The following CDKN2B-AS1 variants were observed in gnomAD, a reference collection of about 807,000 sequenced individuals.
CDKN2B-AS1 encodes the protein CDKN2B antisense RNA 1 (non-protein coding).
intron 4 of CDKN2B-AS1, among the ~76,000 whole-genome samples, chr9:22,097,559 A>G (rs921908412): frequency 2.6e-5 from 4 of 152,220 alleles, no homozygotes; most frequent in Non-Finnish European, 4.4e-5. Flanking sequence ...TCACCTCCTT[A>G]TACCACTAGC....
At chr9:22,012,671 G>A (rs1450162616) in intron 1 of CDKN2B-AS1, 3 of 349,766 alleles carry the variant, frequency 8.6e-6, no homozygotes, top group Non-Finnish European at 1.7e-5. Context: ...GAGAAACAGC[G>A]ACCTAACCTT....
intron 1 of CDKN2B-AS1, among the ~76,000 whole-genome samples, chr9:22,041,184 A>T (rs1355623930): frequency 6.6e-6 from 1 of 152,034 alleles, no homozygotes; most frequent in Non-Finnish European, 1.5e-5. Flanking sequence ...GTGTCCTTTA[A>T]TGCAACAGAA....
intron 1 of CDKN2B-AS1, among the ~76,000 whole-genome samples, chr9:22,042,214 C>G (rs1171935869): frequency 6.6e-6 from 1 of 151,970 alleles, no homozygotes; most frequent in Non-Finnish European, 1.5e-5. Context: ...TTTCTTCTAC[C>G]AGCTGTCTAG....
chr9:22,085,373 G>A (rs936885743), intron 4 of CDKN2B-AS1, among the ~76,000 whole-genome samples: 7 of 152,086 alleles, frequency 4.6e-5, no homozygotes, highest in South Asian at 4.1e-4. Flanking sequence ...TTTATCCCAA[G>A]GACCTAGCCA....
At chr9:22,034,522 T>G (rs1322470228) in intron 1 of CDKN2B-AS1, among the ~76,000 whole-genome samples, 2 of 152,164 alleles carry the variant, frequency 1.3e-5, no homozygotes, top group African/African-American at 4.8e-5. Flanking sequence ...AACTATTCTT[T>G]CTCCAACTTG....
chr9:22,027,177 C>CAA (rs35868692), intron 1 of CDKN2B-AS1, among the ~76,000 whole-genome samples: 15 of 141,862 alleles, frequency 1.1e-4, no homozygotes, highest in Admixed American at 2.1e-4. Flanking sequence ...ACCTTTCTAG[C>CAA]AAAAAAAAAA....
At chr9:22,008,782 C>T (rs1821329574) in intron 1 of CDKN2B-AS1, 1 of 1,607,906 alleles carries the variant, frequency 6.2e-7, no homozygotes. Flanking sequence ...CGGCGAGGCC[C>T]TGGGGCCCCA....
intron 4 of CDKN2B-AS1, among the ~76,000 whole-genome samples, chr9:22,104,518 A>C (rs1825592902): frequency 6.6e-6 from 1 of 152,200 alleles, no homozygotes; most frequent in Admixed American, 6.5e-5. Flanking sequence ...CCTGACATGA[A>C]GAAAAGCATG....
chr9:22,046,551 T>C (rs1364848003), intron 1 of CDKN2B-AS1: 1 of 152,172 alleles, frequency 6.6e-6, no homozygotes, highest in Non-Finnish European at 1.5e-5. Flanking sequence ...GCATCTGTAC[T>C]AGAATTGAAA....
At chr9:22,017,174 C>A (rs1407991592) in intron 1 of CDKN2B-AS1, among the ~76,000 whole-genome samples, 2 of 152,142 alleles carry the variant, frequency 1.3e-5, no homozygotes, top group Non-Finnish European at 2.9e-5. Flanking sequence ...CGCCTGTAAT[C>A]CCAGCACTTT....
At chr9:22,050,387 A>G (rs900082399) in intron 3 of CDKN2B-AS1, among the ~76,000 whole-genome samples, 1 of 152,178 alleles carries the variant, frequency 6.6e-6, no homozygotes, top group Non-Finnish European at 1.5e-5. Flanking sequence ...TACTGCTGTG[A>G]TGACTGTGGA....
At chr9:22,081,217 G>T in intron 4 of CDKN2B-AS1, among the ~76,000 whole-genome samples, 1 of 150,140 alleles carries the variant, frequency 6.7e-6, no homozygotes, top group East Asian at 1.9e-4. Context: ...CTGTTTTTAT[G>T]GGGTTGTGCC....
chr9:22,023,953 C>T (rs986924406), intron 1 of CDKN2B-AS1, among the ~76,000 whole-genome samples: 2 of 152,194 alleles, frequency 1.3e-5, no homozygotes, highest in African/African-American at 4.8e-5. Flanking sequence ...GCCATCTCAG[C>T]CTCAGCCTGG....
intron 4 of CDKN2B-AS1, among the ~76,000 whole-genome samples, chr9:22,061,572 T>C (rs1823820748): frequency 6.6e-6 from 1 of 152,180 alleles, no homozygotes; most frequent in Admixed American, 6.5e-5. Flanking sequence ...ACAAAATTCA[T>C]CCATTAATAG....
intron 1 of CDKN2B-AS1, among the ~76,000 whole-genome samples, chr9:22,021,698 C>T (rs759067052): frequency 2.6e-5 from 4 of 152,038 alleles, no homozygotes; most frequent in Non-Finnish European, 5.9e-5. Context: ...TGGGCTGAGA[C>T]AATGGGGTCT....
intron 4 of CDKN2B-AS1, among the ~76,000 whole-genome samples, chr9:22,095,100 A>G (rs1325453587): frequency 1.4e-5 from 2 of 144,908 alleles, no homozygotes; most frequent in Non-Finnish European, 2.9e-5. Context: ...TTGCCTGGGT[A>G]TCAGCAGCGG....
rs536159465 is a variant in CDKN2B-AS1 at position 21,999,871 on chromosome 9, T to C, written n.29+4710T>C. The stretch of plus-strand genomic sequence containing the variant: ...TAATTAAAGAAAGCAAGTGACAGAA[T>C]AGTATGATCCCATTCATGTTTTCCA... On this transcript the variant is annotated intron_variant and non_coding_transcript_variant, in intron 1 of 4. Coordinates refer to ENST00000650946, the Ensembl canonical transcript of CDKN2B-AS1. The surrounding 1 kb of genome is among the most constrained non-coding windows in gnomAD (Gnocchi z 4.7). Among the ~76,000 whole-genome samples the C allele has an allele frequency of 2.6e-5, 4 of 152,262 alleles. No individual in the cohort carries two copies. The highest frequency in any genetic ancestry group is 4.8e-5 in the African/African-American group (2 of 41,556).
chr9:22,122,586 G>A (rs924197063), intron 4 of CDKN2B-AS1, among the ~76,000 whole-genome samples: 65 of 151,974 alleles, frequency 4.3e-4, no homozygotes, highest in African/African-American at 1.5e-3. Flanking sequence ...GGTGAGAGAC[G>A]GGAATCTAGT....
At chr9:22,058,726 A>G (rs1393590796) in intron 4 of CDKN2B-AS1, 1 of 152,644 alleles carries the variant, frequency 6.6e-6, no homozygotes, top group Non-Finnish European at 1.5e-5. Flanking sequence ...TGGAACGGCC[A>G]CTTTTTGGTC....
Sources: allele counts gnomAD v4.1 joint callset (sites outside exome capture counted in the v4.1 genomes callset), GRCh38; gene constraint gnomAD v4.1.1; non-coding constraint Gnocchi (gnomAD v3.1); transcripts MANE v1.5; gene names NCBI Gene and HGNC (gene_info 2026-07-23, HGNC 2026-07-21).